HSD17B3: variants seen among roughly 807,000 people sequenced by gnomAD.
HSD17B3 encodes hydroxysteroid 17-beta dehydrogenase 3.
HSD17B3 carries 29 observed loss-of-function variants against 41.1 expected under a neutral mutation model. The ratio of observed to expected loss-of-function variants is 0.71; its 90% CI spans 0.53 to 0.96. HSD17B3 has a LOEUF of 0.96. Ranked by LOEUF, HSD17B3 falls within the 40% of genes least tolerant of loss-of-function variation. The pLI, the probability that HSD17B3 is intolerant of heterozygous loss-of-function variation, is 0.00. For missense variants in HSD17B3, 323 were observed against 374.6 expected (o/e 0.86, Z 1.14); for synonymous variants, 126 against 145.6 (o/e 0.87, Z 0.97).
At chr9:96,249,942 A>C in intron 5 of HSD17B3, 156 bp from the exon 6 acceptor site, 1 of 1,533,570 alleles carries the variant, frequency 6.5e-7, no homozygotes, top group Admixed American at 2.0e-5. Flanking sequence ...GCCTTCCAGC[A>C]AGCATGTACT....
At chr9:96,241,987 A>AAGAAAG (rs1836466473) in intron 9 of HSD17B3, among the ~76,000 whole-genome samples, 1 of 149,664 alleles carries the variant, frequency 6.7e-6, no homozygotes, top group South Asian at 2.1e-4. Context: ...GAAAGAAAGA[A>AAGAAAG]AGAAAGAAAG....
intron 2 of HSD17B3, among the ~76,000 whole-genome samples, chr9:96,287,276 C>T (rs1365177335): frequency 6.6e-6 from 1 of 152,168 alleles, no homozygotes; most frequent in Non-Finnish European, 1.5e-5. Context: ...GGTCAGCCTC[C>T]CAGGCAGAGA....
In HSD17B3 at chr9:96,235,409, C is replaced by G; in HGVS notation, c.*51G>C. On this transcript the variant is annotated 3_prime_UTR_variant, in exon 11 of 11. Transcript: ENST00000375263. ...GGTCTGCTCCTCTGGTCCTCTTCAG[C>G]CAGCATGGGACTGGTGAGGAAAAGG... 2 of 1,282,556 alleles carry G rather than the reference C, an allele frequency of 1.6e-6. No individual in the cohort carries two copies. The highest frequency in any genetic ancestry group is 2.2e-6 in the Non-Finnish European group (2 of 890,470). 79.4% of individuals were successfully genotyped at this position (1,282,556 alleles called of 1,614,324 possible).
chr9:96,246,651 G>T, intron 6 of HSD17B3, 61 bp from the exon 7 acceptor site: 1 of 1,480,890 alleles, frequency 6.8e-7, no homozygotes, highest in Non-Finnish European at 9.4e-7. Flanking sequence ...AAGGGGGCGG[G>T]ATGGAAACAG....
chr9:96,246,448 G>T, intron 7 of HSD17B3, 108 bp downstream of exon 7: 3 of 968,302 alleles, frequency 3.1e-6, no homozygotes, highest in Non-Finnish European at 5.0e-6. Context: ...AGCTGTTATC[G>T]TTTGTTAAAG....
chr9:96,259,745 C>A (rs1479848432), intron 2 of HSD17B3, among the ~76,000 whole-genome samples: 2 of 151,616 alleles, frequency 1.3e-5, no homozygotes, highest in Non-Finnish European at 2.9e-5. Context: ...AAGTGTGTAG[C>A]GGAGAATCTG....
At chr9:96,236,169 TAGTG>T (rs1836231439) in intron 10 of HSD17B3, among the ~76,000 whole-genome samples, 2 of 151,892 alleles carry the variant, frequency 1.3e-5, no homozygotes, top group South Asian at 4.2e-4. Flanking sequence ...CTTTTTCTCT[TAGTG>T]AGTATGTCCC....
At chr9:96,299,007 G>T (rs904064732) in intron 1 of HSD17B3, among the ~76,000 whole-genome samples, 3 of 152,110 alleles carry the variant, frequency 2.0e-5, no homozygotes, top group Non-Finnish European at 4.4e-5. Context: ...AATGCAAAAA[G>T]AAAATGCAGT....
intron 2 of HSD17B3, 84 bp from the exon 3 acceptor site, chr9:96,255,027 T>C: frequency 8.9e-7 from 1 of 1,124,628 alleles, no homozygotes; most frequent in South Asian, 1.3e-5. Context: ...GTCCTGAGAC[T>C]GTGCACATAC....
At chr9:96,242,005 G>A (rs1265571201) in intron 9 of HSD17B3, among the ~76,000 whole-genome samples, 5 of 68,528 alleles carry the variant, frequency 7.3e-5, no homozygotes, top group African/African-American at 2.9e-4. Context: ...AAGAAAGAAA[G>A]AGAAAGAAAA....
intron 2 of HSD17B3, among the ~76,000 whole-genome samples, chr9:96,297,302 G>A (rs1341371736): frequency 6.7e-6 from 1 of 150,146 alleles, no homozygotes; most frequent in African/African-American, 2.4e-5. Context: ...ATTGCAAATG[G>A]AAAAGCTTTT....
chr9:96,250,980 C>A (rs886416316), intron 5 of HSD17B3: 16 of 170,120 alleles, frequency 9.4e-5, no homozygotes, highest in Non-Finnish European at 1.7e-4. Flanking sequence ...ACTGAACTTA[C>A]AATCCTGCCA....
At chr9:96,245,807 G>A (rs561178236) in intron 7 of HSD17B3, among the ~76,000 whole-genome samples, 4 of 152,130 alleles carry the variant, frequency 2.6e-5, no homozygotes, top group Admixed American at 6.5e-5. Context: ...ATGAGCTGCC[G>A]GTCCCTTTGG....
intron 2 of HSD17B3, among the ~76,000 whole-genome samples, chr9:96,294,995 C>T (rs549790442): frequency 6.3e-5 from 9 of 142,178 alleles, no homozygotes; most frequent in Middle Eastern, 3.6e-3. Context: ...GGGTCAGACA[C>T]GAGGAGCTTT....
At chr9:96,247,390 G>A (rs1836709863) in intron 6 of HSD17B3, 1 of 152,612 alleles carries the variant, frequency 6.6e-6, no homozygotes, top group African/African-American at 2.4e-5. Flanking sequence ...CAAGGCACCT[G>A]GGGACCGGAA....
chr9:96,271,575 T>C (rs1273263618), intron 2 of HSD17B3, among the ~76,000 whole-genome samples: 1 of 152,174 alleles, frequency 6.6e-6, no homozygotes, highest in Non-Finnish European at 1.5e-5. Flanking sequence ...CTTCCCCTTC[T>C]TTCCTTCTCA....
At chr9:96,267,261 A>G (rs1332359984) in intron 2 of HSD17B3, among the ~76,000 whole-genome samples, 1 of 151,636 alleles carries the variant, frequency 6.6e-6, no homozygotes, top group Non-Finnish European at 1.5e-5. Context: ...GGTTCAAGCA[A>G]TTCACCTATC....
intron 2 of HSD17B3, among the ~76,000 whole-genome samples, chr9:96,284,212 T>C (rs1278455173): frequency 2.6e-5 from 1 of 38,426 alleles, no homozygotes; most frequent in East Asian, 5.8e-4. Context: ...TGAGACTCCA[T>C]CTTAAAAAAA....
At chr9:96,266,321 G>A (rs1423716277) in intron 2 of HSD17B3, among the ~76,000 whole-genome samples, 2 of 152,180 alleles carry the variant, frequency 1.3e-5, no homozygotes, top group Non-Finnish European at 2.9e-5. Flanking sequence ...TACCCAGGCT[G>A]TAGTGCAGTG....
Sources: allele counts gnomAD v4.1 joint callset (sites outside exome capture counted in the v4.1 genomes callset), GRCh38; gene constraint gnomAD v4.1.1; transcripts MANE v1.5; gene names NCBI Gene and HGNC (gene_info 2026-07-23, HGNC 2026-07-21).